The following WDR47 variants were observed in gnomAD, a reference collection of about 807,000 sequenced individuals.
WDR47 encodes the protein WD repeat domain 47.
In WDR47, 32 loss-of-function variants were observed where a neutral mutation model predicts 97.2. The observed-to-expected ratio is 0.33, with a 90% CI of 0.25 to 0.44. WDR47 has a LOEUF of 0.44. Ranked by LOEUF, WDR47 falls within the 20% of genes least tolerant of loss-of-function variation. The pLI is 1.00. For synonymous variants in WDR47, 375 were observed against 373.5 expected, an observed-to-expected ratio of 1.00 and a Z score of -0.05; for missense variants, 782 against 1,102.3, an observed-to-expected ratio of 0.71 and a Z score of 4.11.
intron 5 of WDR47, 134 bp downstream of exon 5, chr1:109,010,782 C>T: frequency 4.7e-6 from 4 of 846,174 alleles, no homozygotes; most frequent in Admixed American, 2.5e-5. Flanking sequence ...CAGGGTTTCA[C>T]CGTGTTAGCC....
intron 8 of WDR47, among the ~76,000 whole-genome samples, chr1:108,993,336 A>G (rs1445062362): frequency 6.6e-6 from 1 of 152,106 alleles, no homozygotes; most frequent in African/African-American, 2.4e-5. Context: ...AAAAAAAAAA[A>G]AAGACAATGA....
At chr1:109,009,095 A>T (rs982263256) in intron 5 of WDR47, among the ~76,000 whole-genome samples, 5 of 152,184 alleles carry the variant, frequency 3.3e-5, no homozygotes, top group East Asian at 1.9e-4. Context: ...AAAAAAAAAT[A>T]AAAATAAAAT....
chr1:109,004,444 GGA>G (rs1002075497), intron 6 of WDR47, 146 bp downstream of exon 6: 1 of 992,520 alleles, frequency 1.0e-6, no homozygotes, highest in East Asian at 3.0e-5. Context: ...GTTGAAGAGA[GGA>G]GAGAAAATAA....
intron 2 of WDR47, among the ~76,000 whole-genome samples, chr1:109,020,030 G>A (rs1348954910): frequency 1.3e-5 from 2 of 151,980 alleles, no homozygotes; most frequent in Non-Finnish European, 2.9e-5. Flanking sequence ...AGAATCATTT[G>A]AGGCCAGGAG....
chr1:109,005,763 G>C (rs1365640275), intron 5 of WDR47, among the ~76,000 whole-genome samples: 1 of 152,106 alleles, frequency 6.6e-6, no homozygotes, highest in Non-Finnish European at 1.5e-5. Context: ...CAGCTACTTG[G>C]GAGGCTGAGA....
intron 1 of WDR47, among the ~76,000 whole-genome samples, chr1:109,029,714 T>C (rs1353706809): frequency 1.4e-5 from 2 of 141,556 alleles, no homozygotes; most frequent in Non-Finnish European, 3.1e-5. Flanking sequence ...TAAATAAATA[T>C]TTTTTTAAAA....
chr1:109,010,926 A>T lies in WDR47; in HGVS notation c.1120T>A (p.Ser374Thr). ...TAACCAAATGCTTACCGCTCAGGGGATTCTTCGTAAATACTGTGACATTCT... is the reference window on the plus strand; with the variant it reads ...TAACCAAATGCTTACCGCTCAGGGGTTTCTTCGTAAATACTGTGACATTCT... ...NTECHSIYEE[S>T]PERDTPVDAQ... is the part of the protein sequence containing the mutation. The change falls in exon 5 of 15, where the codon TCC becomes ACC. Residue 374 changes from serine to threonine, a missense_variant. Transcript: ENST00000369962. The T allele has an allele frequency of 1.2e-6, 2 of 1,610,662 alleles. No individual in the cohort carries two copies. The highest frequency in any genetic ancestry group is 1.7e-4 in the Middle Eastern group (1 of 6,050).
chr1:109,041,626 C>T (rs543107696), intron 1 of WDR47: 2 of 152,334 alleles, frequency 1.3e-5, no homozygotes, highest in Non-Finnish European at 2.9e-5. Flanking sequence ...GACCTCGAAC[C>T]GGGGCCCAGC....
At chr1:109,041,040 T>C (rs1473026677) in intron 1 of WDR47, among the ~76,000 whole-genome samples, 2 of 148,472 alleles carry the variant, frequency 1.3e-5, no homozygotes, top group South Asian at 2.1e-4. Flanking sequence ...TCAGATACCA[T>C]GCACGGTTAC....
Position 109,028,859 on chromosome 1 carries a change from T to C in WDR47, c.-9-5338A>G, listed in dbSNP as rs969092315. Among the ~76,000 whole-genome samples the C allele has an allele frequency of 3.9e-5, 6 of 152,272 alleles. No individual in the cohort carries two copies. In the South Asian group the frequency reaches 1.2e-3, roughly 32 times the overall value. ...ATCTTCACCATTTTTATGTGTACAG[T>C]TCAACGGTAATAAATAAATCTATAT... On this transcript the variant is annotated intron_variant, in intron 1 of 14. Coordinates refer to ENST00000369962, the MANE Select transcript of WDR47 (RefSeq NM_001142551.2).
intron 13 of WDR47, among the ~76,000 whole-genome samples, 167 bp from the exon 14 acceptor site, chr1:108,974,921 C>T (rs1011815426): frequency 2.0e-5 from 3 of 152,190 alleles, no homozygotes; most frequent in South Asian, 2.1e-4. Context: ...ACAGTTGTGT[C>T]CTTTTAAGGC....
intron 13 of WDR47, among the ~76,000 whole-genome samples, chr1:108,980,956 T>C (rs558113820): frequency 6.6e-6 from 1 of 151,362 alleles, no homozygotes; most frequent in Admixed American, 6.6e-5. Context: ...TGAAACCCCG[T>C]CTCTACTAAA....
rs537403133 is a variant in WDR47, at chr1:109,030,803, T to C, written c.-9-7282A>G. 1.5e-5 allele frequency among the ~76,000 whole-genome samples: 2 copies of C among 135,616 alleles called. 1 individual carries two copies. Among genetic ancestry groups the C allele is most frequent in the South Asian group, 4.7e-4 (2 of 4,218 alleles). The allele number at this position is 135,616 out of a possible 152,430, so 89.0% of individuals were successfully genotyped here. ...GAAAAAAACTGCTAGCTGTTTTTAA[T>C]AACATGGCATTCAAAAAACTTTATG... On this transcript the variant is annotated intron_variant, in intron 1 of 14. Coordinates refer to ENST00000369962, the MANE Select transcript of WDR47 (RefSeq NM_001142551.2).
At chr1:109,020,518 T>A (rs1337357928) in intron 2 of WDR47, among the ~76,000 whole-genome samples, 1 of 152,100 alleles carries the variant, frequency 6.6e-6, no homozygotes, top group Non-Finnish European at 1.5e-5. Context: ...CACCTTGGCC[T>A]CCCAAAGTGC....
At chr1:109,008,339 C>A (rs1557942484) in intron 5 of WDR47, among the ~76,000 whole-genome samples, 1 of 151,098 alleles carries the variant, frequency 6.6e-6, no homozygotes. Flanking sequence ...GGTGTAATCT[C>A]TGCTCACTAC....
At chr1:108,982,946 G>T (rs549844805) in intron 11 of WDR47, among the ~76,000 whole-genome samples, 167 bp from the exon 12 acceptor site, 28 of 152,214 alleles carry the variant, frequency 1.8e-4, no homozygotes, top group Non-Finnish European at 4.0e-4. Context: ...ACTGAGCAAA[G>T]AATTTTATCA....
At chr1:108,981,893 A>T in intron 12 of WDR47, 29 bp from the exon 13 acceptor site, 2 of 1,599,946 alleles carry the variant, frequency 1.3e-6, no homozygotes, top group East Asian at 4.5e-5. Context: ...TCAATTATTA[A>T]GGTGGGAGAG....
chr1:109,038,568 A>C (rs1168536194), intron 1 of WDR47, among the ~76,000 whole-genome samples: 1 of 151,206 alleles, frequency 6.6e-6, no homozygotes, highest in Non-Finnish European at 1.5e-5. Context: ...AGTCCTAGCT[A>C]CTCGGGAGGC....
chr1:108,991,215 C>T (rs1263519330), intron 9 of WDR47, 39 bp downstream of exon 9: 3 of 1,560,308 alleles, frequency 1.9e-6, no homozygotes, highest in Non-Finnish European at 2.6e-6. Context: ...TTTACAGGTG[C>T]ATATGAAAAC....
Sources: gnomAD v4.1 joint callset for allele counts (sites outside exome capture counted in the v4.1 genomes callset) on GRCh38, gnomAD v4.1.1 for gene constraint, MANE v1.5 for transcripts, NCBI Gene and HGNC (gene_info 2026-07-23, HGNC 2026-07-21) for gene names.